AP3S1: variants seen among roughly 807,000 people sequenced by gnomAD.
AP3S1 encodes adaptor related protein complex 3 subunit sigma 1.
In AP3S1, 12 loss-of-function variants were observed where a neutral mutation model predicts 21.3. The ratio of observed to expected loss-of-function variants is 0.56; its 90% CI spans 0.36 to 0.91. The LOEUF is 0.91. Ranked by LOEUF, AP3S1 falls within the 40% of genes least tolerant of loss-of-function variation. AP3S1 has a pLI of 0.01. For synonymous variants in AP3S1, 48 were observed against 78.4 expected, an observed-to-expected ratio of 0.61 and a Z score of 2.05; for missense variants, 116 against 225.0, an observed-to-expected ratio of 0.52 and a Z score of 3.10.
chr5:115,858,569 A>C (rs1236355014), intron 1 of AP3S1, among the ~76,000 whole-genome samples: 1 of 151,810 alleles, frequency 6.6e-6, no homozygotes, highest in African/African-American at 2.4e-5. Flanking sequence ...TGCTGGAAAC[A>C]TTTCTTCATT....
chr5:115,906,558 G>A (rs1751670300), intron 5 of AP3S1, among the ~76,000 whole-genome samples: 1 of 152,028 alleles, frequency 6.6e-6, no homozygotes, highest in Non-Finnish European at 1.5e-5. Context: ...GGAATATTGG[G>A]AGAGGAGGGT....
intron 5 of AP3S1, 80 bp from the exon 6 acceptor site, chr5:115,913,282 G>T: frequency 9.9e-7 from 1 of 1,011,288 alleles, no homozygotes; most frequent in East Asian, 5.9e-5. Context: ...TTTTATCATT[G>T]TCTTCCATTG....
At chr5:115,877,877 T>C (rs1474342854) in intron 3 of AP3S1, among the ~76,000 whole-genome samples, 1 of 152,218 alleles carries the variant, frequency 6.6e-6, no homozygotes, top group African/African-American at 2.4e-5. Flanking sequence ...TTCCTGACTT[T>C]TTAATGATCG....
chr5:115,872,982 C>G (rs1168367420), intron 3 of AP3S1, among the ~76,000 whole-genome samples: 2 of 152,058 alleles, frequency 1.3e-5, no homozygotes, highest in Admixed American at 1.3e-4. Flanking sequence ...CTGAGCCTAG[C>G]CACTAGAATT....
intron 1 of AP3S1, among the ~76,000 whole-genome samples, chr5:115,866,207 A>G (rs1763603143): frequency 6.6e-6 from 1 of 152,058 alleles, no homozygotes; most frequent in Non-Finnish European, 1.5e-5. Context: ...AGATGGATGG[A>G]CTCTTACCTC....
chr5:115,905,466 A>G (rs1248880323), intron 5 of AP3S1, among the ~76,000 whole-genome samples: 1 of 152,178 alleles, frequency 6.6e-6, no homozygotes, highest in Non-Finnish European at 1.5e-5. Context: ...TGTCTTTTAC[A>G]AGAAAGTATG....
At chr5:115,860,815 AAGGC>A (rs1481813935) in intron 1 of AP3S1, among the ~76,000 whole-genome samples, 1 of 152,188 alleles carries the variant, frequency 6.6e-6, no homozygotes, top group African/African-American at 2.4e-5. Context: ...GCAGGCAACA[AAGGC>A]AGATGTGTGT....
At chr5:115,882,689 T>C (rs1341097996) in intron 3 of AP3S1, among the ~76,000 whole-genome samples, 1 of 152,022 alleles carries the variant, frequency 6.6e-6, no homozygotes, top group African/African-American at 2.4e-5. Context: ...AGGGACCCGC[T>C]TGAGGAGGCA....
At chr5:115,910,929 T>G (rs1224981915) in intron 5 of AP3S1, among the ~76,000 whole-genome samples, 3 of 152,204 alleles carry the variant, frequency 2.0e-5, no homozygotes, top group Non-Finnish European at 4.4e-5. Flanking sequence ...AGAAATAATT[T>G]GATCCTCCTA....
In AP3S1 at chr5:115,857,490, T is replaced by C. The variant is rs565687456; in HGVS notation, c.70-9180T>C. Among the ~76,000 whole-genome samples the C allele has an allele frequency of 5.3e-5, 8 of 152,350 alleles. No individual in the cohort carries two copies. The East Asian group carries it at 1.5e-3, about 29-fold the overall frequency. On this transcript the variant is annotated intron_variant, in intron 1 of 5. Coordinates refer to ENST00000316788, the MANE Select transcript of AP3S1 (RefSeq NM_001284.4). ...GAGTACATCCAGGAATAAACCCATA[T>C]ATCTGGTTGCAGATTATTTACTCTC... is the stretch of plus-strand genomic sequence containing the variant.
intron 3 of AP3S1, among the ~76,000 whole-genome samples, chr5:115,874,562 G>A (rs1260711023): frequency 6.6e-6 from 1 of 151,978 alleles, no homozygotes; most frequent in African/African-American, 2.4e-5. Context: ...ACAAAATTGA[G>A]AACTAACAGC....
intron 5 of AP3S1, among the ~76,000 whole-genome samples, chr5:115,906,343 C>A (rs1020036676): frequency 4.6e-5 from 7 of 151,742 alleles, no homozygotes; most frequent in Non-Finnish European, 8.8e-5. Flanking sequence ...TATCTAGGGG[C>A]CTTTGTCAGA....
intron 3 of AP3S1, among the ~76,000 whole-genome samples, chr5:115,879,474 G>A (rs1749072393): frequency 6.6e-6 from 1 of 152,180 alleles, no homozygotes; most frequent in Non-Finnish European, 1.5e-5. Flanking sequence ...TTTTGTGACT[G>A]GTTCTGTTTA....
chr5:115,881,424 T>C (rs1283126324), intron 3 of AP3S1, among the ~76,000 whole-genome samples: 1 of 152,242 alleles, frequency 6.6e-6, no homozygotes, highest in Non-Finnish European at 1.5e-5. Flanking sequence ...CATTTGCTTG[T>C]CTATAAAGGG....
At chr5:115,859,391 C>A (rs578258268) in intron 1 of AP3S1, among the ~76,000 whole-genome samples, 1 of 152,276 alleles carries the variant, frequency 6.6e-6, no homozygotes, top group Admixed American at 6.5e-5. Context: ...GAAGATTTTG[C>A]AGGAATTTTT....
intron 4 of AP3S1, among the ~76,000 whole-genome samples, chr5:115,897,636 T>G (rs903317519): frequency 6.6e-6 from 1 of 151,446 alleles, no homozygotes; most frequent in Non-Finnish European, 1.5e-5. Context: ...CTCGGCTTAA[T>G]GCAAGCTCCA....
At chr5:115,843,094 C>T (rs1373820344) in intron 1 of AP3S1, among the ~76,000 whole-genome samples, 1 of 152,178 alleles carries the variant, frequency 6.6e-6, no homozygotes, top group African/African-American at 2.4e-5. Context: ...GAGTTATGTG[C>T]TTACCTGAGG....
chr5:115,902,180 T>C (rs1751275289), intron 4 of AP3S1, among the ~76,000 whole-genome samples: 1 of 152,228 alleles, frequency 6.6e-6, no homozygotes, highest in Admixed American at 6.5e-5. Context: ...AAAAAAATTA[T>C]AGCAGAATAG....
At chr5:115,845,688 G>T (rs918032779) in intron 1 of AP3S1, among the ~76,000 whole-genome samples, 3 of 151,600 alleles carry the variant, frequency 2.0e-5, no homozygotes, top group Non-Finnish European at 4.4e-5. Flanking sequence ...ACAAAAATTA[G>T]CCAGGCATGG....
Sources: gnomAD v4.1 joint callset for allele counts (sites outside exome capture counted in the v4.1 genomes callset) on GRCh38, gnomAD v4.1.1 for gene constraint, MANE v1.5 for transcripts, NCBI Gene and HGNC (gene_info 2026-07-23, HGNC 2026-07-21) for gene names.